Variants in EPHX2 observed in about 807,000 individuals in gnomAD.
The protein encoded by EPHX2 is bifunctional epoxide hydrolase 2.
A neutral mutation model predicts 78.7 loss-of-function variants in EPHX2; 74 were observed. The observed-to-expected ratio is 0.94, with a 90% CI of 0.78 to 1.14. The LOEUF (loss-of-function observed/expected upper bound fraction) is 1.14. Among genes scored for constraint, EPHX2 ranks in the 50% most tolerant of loss-of-function variants. The probability of loss-of-function intolerance (pLI) is 0.00; values close to 1 mark genes in which losing one functional copy is unlikely to be tolerated. For missense variants in EPHX2, 715 were observed against 702.5 expected (o/e 1.02, Z -0.20); for synonymous variants, 251 against 255.2 (o/e 0.98, Z 0.16).
chr8:27,540,725 G>C, intron 15 of EPHX2, 69 bp downstream of exon 15: 1 of 1,491,542 alleles, frequency 6.7e-7, no homozygotes, highest in Non-Finnish European at 9.3e-7. Flanking sequence ...AGCCCTCAGG[G>C]TGGAGGGTGA....
chr8:27,495,326 A>T lies in EPHX2; in HGVS notation c.101+4017A>T, dbSNP rs72473992. On this transcript the variant is annotated intron_variant, in intron 1 of 18. Coordinates refer to ENST00000521400, the MANE Select transcript of EPHX2 (RefSeq NM_001979.6). ...TGCAGGTCCCTGGGGAAAGAGGCTT[A>T]CTTTCAAGTACTGTTACATCACTAA... 7.2e-3 allele frequency among the ~76,000 whole-genome samples: 1,090 copies of T among 152,326 alleles called. 13 individuals carry two copies. Among genetic ancestry groups the T allele is most frequent in the African/African-American group, 0.025 (1,053 of 41,582 alleles).
intron 6 of EPHX2, 54 bp from the exon 7 acceptor site, chr8:27,515,663 TG>T: frequency 6.8e-7 from 1 of 1,472,006 alleles, no homozygotes. Flanking sequence ...CTGTGGGGCC[TG>T]GGTCCACTGG....
chr8:27,501,387 C>CTTCTTCTTCTTCTTCT (rs1554519566), intron 2 of EPHX2, among the ~76,000 whole-genome samples: 56 of 67,510 alleles, frequency 8.3e-4, no homozygotes, highest in East Asian at 2.2e-3. Flanking sequence ...TCTTCTTCTT[C>CTTCTTCTTCTTCTTCT]TTCTTCTTTC....
intron 12 of EPHX2, among the ~76,000 whole-genome samples, chr8:27,535,270 G>A (rs1056270255): frequency 1.2e-4 from 19 of 152,034 alleles, no homozygotes; most frequent in Admixed American, 7.9e-4. Context: ...TCTGCCTCCC[G>A]GGTCCAAGTG....
chr8:27,503,882 C>G (rs750645541), intron 3 of EPHX2, 119 bp downstream of exon 3: 5 of 1,279,472 alleles, frequency 3.9e-6, no homozygotes, highest in Non-Finnish European at 5.2e-6. Flanking sequence ...CGATGGAAAG[C>G]CTCTTTAAAC....
At chr8:27,499,398 G>A (rs181486073) in intron 1 of EPHX2, among the ~76,000 whole-genome samples, 3 of 152,318 alleles carry the variant, frequency 2.0e-5, no homozygotes, top group Non-Finnish European at 4.4e-5. Context: ...TTGAAAAGTT[G>A]AGCAAGGCCA....
At chr8:27,515,430 G>A (rs1430846728) in intron 6 of EPHX2, 1 of 393,276 alleles carries the variant, frequency 2.5e-6, no homozygotes, top group Non-Finnish European at 4.7e-6. Context: ...TGGGGGCCTT[G>A]TAGAGAGGAA....
In EPHX2 at chr8:27,500,835, C is replaced by T. The variant is rs768862457; in HGVS notation, c.102-91C>T. On this transcript the variant is annotated intron_variant, in intron 1 of 18. Coordinates refer to ENST00000521400, the MANE Select transcript of EPHX2 (RefSeq NM_001979.6). ...TCCTGGCAGTATCCCTTTCTAGTGG[C>T]TGCTTCTCAATGAATATGAACAGTG... 3 of 1,179,860 alleles carry T rather than the reference C, an allele frequency of 2.5e-6. 1 individual carries two copies. Among genetic ancestry groups the T allele is most frequent in the Non-Finnish European group, 3.7e-6 (3 of 817,018 alleles). The allele number at this position is 1,179,860 out of a possible 1,614,324, so 73.1% of individuals were successfully genotyped here. A position where few individuals can be genotyped will look rare whatever the true frequency, so the allele number is the denominator to read the frequency against.
At position 27,496,834 on chromosome 8, in the gene EPHX2, A is replaced by C. The variant is rs548782582; in HGVS notation, c.102-4092A>C. Reference sequence around the variant, plus strand: ...CTTCCGAATTGTCCTTTCAATGCCCAGACTTCAGGGTTGATTCCCTCCTCA... The same window carrying C: ...CTTCCGAATTGTCCTTTCAATGCCCCGACTTCAGGGTTGATTCCCTCCTCA... On this transcript the variant is annotated intron_variant, in intron 1 of 18. Transcript: ENST00000521400. Among the ~76,000 whole-genome samples, 6 of 152,278 alleles carry C rather than the reference A, an allele frequency of 3.9e-5. No homozygotes were observed. In the South Asian group the frequency reaches 1.2e-3, roughly 32 times the overall value.
At chr8:27,513,762 G>C (rs939708209) in intron 6 of EPHX2, among the ~76,000 whole-genome samples, 1 of 152,220 alleles carries the variant, frequency 6.6e-6, no homozygotes, top group African/African-American at 2.4e-5. Flanking sequence ...ACAGCTTCAT[G>C]ATGAGATGAT....
intron 4 of EPHX2, 141 bp downstream of exon 4, chr8:27,505,287 C>T: frequency 1.3e-6 from 1 of 792,670 alleles, no homozygotes; most frequent in Non-Finnish European, 2.0e-6. Flanking sequence ...ACGTCTTCTC[C>T]TAGAAGACTG....
At chr8:27,525,243 G>T in intron 11 of EPHX2, 119 bp from the exon 12 acceptor site, 1 of 819,802 alleles carries the variant, frequency 1.2e-6, no homozygotes, top group South Asian at 1.6e-5. Flanking sequence ...GCTAGTGTAT[G>T]ACCTTGTGCA....
At chr8:27,535,263 G>A (rs527879694) in intron 12 of EPHX2, among the ~76,000 whole-genome samples, 1 of 152,144 alleles carries the variant, frequency 6.6e-6, no homozygotes, top group African/African-American at 2.4e-5. Context: ...TGTGACCTCT[G>A]CCTCCCGGGT....
rs566463243 is a variant in EPHX2, at chr8:27,520,596, C to T, written c.946-287C>T. ...TCTTGACCTCATGTTCTGCCCGCCTCGGCCTCCCAAAGTGCTGGGATTACA... is the reference window on the plus strand; with the variant it reads ...TCTTGACCTCATGTTCTGCCCGCCTTGGCCTCCCAAAGTGCTGGGATTACA... On this transcript the variant is annotated intron_variant, in intron 9 of 18. Transcript: ENST00000521400. Among the ~76,000 whole-genome samples the T allele has an allele frequency of 2.4e-4, 36 of 152,266 alleles. No individual in the cohort carries two copies. The South Asian group carries it at 3.9e-3, about 17-fold the overall frequency.
At chr8:27,528,798 A>T (rs970083172) in intron 12 of EPHX2, among the ~76,000 whole-genome samples, 3 of 151,698 alleles carry the variant, frequency 2.0e-5, no homozygotes, top group Non-Finnish European at 4.4e-5. Context: ...TTATTTTTTT[A>T]TTATTATTAT....
chr8:27,511,607 C>T (rs1814251240), intron 5 of EPHX2, among the ~76,000 whole-genome samples: 1 of 152,166 alleles, frequency 6.6e-6, no homozygotes, highest in African/African-American at 2.4e-5. Context: ...CCATCTGCAT[C>T]CATTGGCCAG....
Position 27,491,162 on chromosome 8 carries a change from T to G in EPHX2, c.-47T>G, listed in dbSNP as rs1407526739. On this transcript the variant is annotated 5_prime_UTR_variant, in exon 1 of 19. Coordinates refer to ENST00000521400, the MANE Select transcript of EPHX2 (RefSeq NM_001979.6). ...TCATGCGCCCTGGCCTTCGCGCATC[T>G]CCCAGGTTAGCTGCGTGTCCGGGTG... is the stretch of plus-strand genomic sequence containing the variant. 3 of 1,528,136 alleles carry G rather than the reference T, an allele frequency of 2.0e-6. No homozygotes were observed. The East Asian group carries it at 7.5e-5, about 38-fold the overall frequency. 94.7% of individuals were successfully genotyped at this position (1,528,136 alleles called of 1,614,324 possible).
chr8:27,511,717 G>A, intron 5 of EPHX2, 119 bp from the exon 6 acceptor site: 2 of 988,766 alleles, frequency 2.0e-6, no homozygotes, highest in Admixed American at 3.7e-5. Flanking sequence ...CCACCAGGAG[G>A]GCTCAGGATG....
At chr8:27,508,164 A>G (rs1320178671) in intron 5 of EPHX2, among the ~76,000 whole-genome samples, 2 of 152,102 alleles carry the variant, frequency 1.3e-5, no homozygotes, top group Non-Finnish European at 2.9e-5. Context: ...TTAGCCAAGC[A>G]TAGTGGTGGG....
Sources: allele counts gnomAD v4.1 joint callset (sites outside exome capture counted in the v4.1 genomes callset), GRCh38; gene constraint gnomAD v4.1.1; transcripts MANE v1.5; gene names NCBI Gene and HGNC (gene_info 2026-07-23, HGNC 2026-07-21).